The following CAST variants were observed in gnomAD, a reference collection of about 807,000 sequenced individuals.
CAST encodes MIR583 host.
In CAST, 76 loss-of-function variants were observed where a neutral mutation model predicts 119.6. The observed-to-expected ratio is 0.64, with a 90% CI of 0.53 to 0.77. CAST has a LOEUF of 0.77. CAST is among the 30% of genes least tolerant of loss of function. The pLI, the probability that CAST is intolerant of heterozygous loss-of-function variation, is 0.00. For synonymous variants in CAST, 319 were observed against 331.6 expected (o/e 0.96, Z 0.41); for missense variants, 953 against 946.5 (o/e 1.01, Z -0.09).
In CAST at chr5:96,774,412, G is replaced by C. The variant is rs1229288247; in HGVS notation, c.*1796G>C. On this transcript the variant is annotated 3_prime_UTR_variant, in exon 32 of 32. Coordinates refer to ENST00000675179, the MANE Select transcript of CAST (RefSeq NM_001750.7). ...TGTTTGTTAATAACTAATAACTGGA[G>C]TAAGCTACAGGATCTAAAGCAGCCC... is the stretch of plus-strand genomic sequence containing the variant. 3.2e-6 allele frequency: 2 copies of C among 629,986 alleles called. No homozygotes were observed. Among genetic ancestry groups the C allele is most frequent in the Non-Finnish European group, 4.0e-6 (2 of 503,428 alleles). The allele number at this position is 629,986 out of a possible 1,614,324, so 39.0% of individuals were successfully genotyped here.
the CAST span, among the ~76,000 whole-genome samples, chr5:96,455,651 G>A: frequency 1.2e-4 from 19 of 152,104 alleles, no homozygotes; most frequent in Non-Finnish European, 2.4e-4. Flanking sequence ...CTCTGTCCAC[G>A]CAGGACCTCA....
the CAST span, among the ~76,000 whole-genome samples, chr5:96,136,496 A>G: frequency 6.6e-6 from 1 of 152,202 alleles, no homozygotes; most frequent in Non-Finnish European, 1.5e-5. Context: ...TGGATACTGT[A>G]TTAGAAAACA....
At position 96,763,268 on chromosome 5, in the gene CAST, T is replaced by A. The variant is rs766848298; in HGVS notation, c.1932+896T>A. 90 of 780,560 alleles carry A rather than the reference T, an allele frequency of 1.2e-4. 4 individuals are homozygous for A. The South Asian group carries it at 1.2e-3, about 10-fold the overall frequency. The allele number at this position is 780,560 out of a possible 1,614,324, so 48.4% of individuals were successfully genotyped here. On this transcript the variant is annotated intron_variant, in intron 25 of 31. Transcript: ENST00000675179. ...AGGCACAAATGACAAAGCCCAGACC[T>A]GGCCCCGGGCAGCTCTACCATTAGC...
At chr5:96,143,628 C>T in the CAST span, among the ~76,000 whole-genome samples, 1 of 152,168 alleles carries the variant, frequency 6.6e-6, no homozygotes, top group Non-Finnish European at 1.5e-5. Flanking sequence ...TAACCATTAA[C>T]AATGGTGCTT....
the CAST span, among the ~76,000 whole-genome samples, chr5:96,495,244 CTGTTTTT>C: frequency 2.0e-5 from 3 of 151,548 alleles, no homozygotes; most frequent in Non-Finnish European, 4.4e-5. Flanking sequence ...TGTAGATCAA[CTGTTTTT>C]TGTTTTTTGT....
the CAST span, chr5:96,392,044 C>A: frequency 6.6e-6 from 1 of 152,062 alleles, no homozygotes; most frequent in East Asian, 1.9e-4. Context: ...AAAACAAAAA[C>A]AAAACTTCTC....
At chr5:96,252,054 C>A in the CAST span, among the ~76,000 whole-genome samples, 5 of 152,064 alleles carry the variant, frequency 3.3e-5, no homozygotes, top group Non-Finnish European at 7.4e-5. Context: ...TAGATGAGTG[C>A]AAATTGTGTC....
chr5:96,741,041 TAGAATG>T (rs1253711552), intron 13 of CAST: 6 of 595,196 alleles, frequency 1.0e-5, no homozygotes, highest in Non-Finnish European at 1.8e-5. Context: ...TTCATAATAA[TAGAATG>T]AGAATGTAAC....
the CAST span, among the ~76,000 whole-genome samples, chr5:96,279,729 TA>T: frequency 6.6e-6 from 1 of 152,208 alleles, no homozygotes; most frequent in Non-Finnish European, 1.5e-5. Flanking sequence ...TGAGTAATAA[TA>T]AAATATGCTT....
the CAST span, among the ~76,000 whole-genome samples, chr5:96,259,884 CTT>C: frequency 2.8e-5 from 4 of 141,458 alleles, no homozygotes; most frequent in African/African-American, 5.2e-5. Flanking sequence ...GATTACATTG[CTT>C]TTTTTTTTTT....
chr5:96,428,270 C>A, the CAST span, among the ~76,000 whole-genome samples: 1 of 152,096 alleles, frequency 6.6e-6, no homozygotes, highest in Non-Finnish European at 1.5e-5. Context: ...TATTTTCCCC[C>A]TGGGAAGTTG....
intron 3 of CAST, among the ~76,000 whole-genome samples, chr5:96,713,858 C>T (rs1264637027): frequency 6.6e-6 from 1 of 152,024 alleles, no homozygotes; most frequent in Non-Finnish European, 1.5e-5. Context: ...ACCTGTAGTC[C>T]CAGCTACTTG....
the CAST span, among the ~76,000 whole-genome samples, chr5:95,985,311 C>T: frequency 6.6e-6 from 1 of 152,170 alleles, no homozygotes; most frequent in African/African-American, 2.4e-5. Context: ...AAGACCTTGT[C>T]TCTAAAAGAA....
At chr5:96,394,952 T>C in the CAST span, 4 of 1,614,066 alleles carry the variant, frequency 2.5e-6, no homozygotes, top group East Asian at 6.7e-5. Flanking sequence ...CTTCATATGC[T>C]CTGGCTGAGA....
the CAST span, among the ~76,000 whole-genome samples, chr5:96,070,236 C>T: frequency 2.0e-5 from 3 of 152,102 alleles, no homozygotes; most frequent in Non-Finnish European, 4.4e-5. Context: ...TTCCAAAGCC[C>T]TTTGTTTATA....
At chr5:96,061,896 A>C in the CAST span, among the ~76,000 whole-genome samples, 1 of 152,122 alleles carries the variant, frequency 6.6e-6, no homozygotes, top group Non-Finnish European at 1.5e-5. Context: ...AGGCACCATG[A>C]ATGTCTAACC....
intron 3 of CAST, among the ~76,000 whole-genome samples, chr5:96,709,752 C>G (rs1755719047): frequency 6.6e-6 from 1 of 152,136 alleles, no homozygotes; most frequent in South Asian, 2.1e-4. Flanking sequence ...GACTCCTGTT[C>G]TACAGAAATA....
chr5:96,647,875 C>T (rs558133080), intron 1 of CAST, among the ~76,000 whole-genome samples: 18 of 152,196 alleles, frequency 1.2e-4, no homozygotes, highest in African/African-American at 4.3e-4. Flanking sequence ...TAGTTTGAAG[C>T]TGTTTGTTAT....
chr5:96,126,833 A>G, the CAST span, among the ~76,000 whole-genome samples: 1 of 152,168 alleles, frequency 6.6e-6, no homozygotes, highest in African/African-American at 2.4e-5. Context: ...TAAGGTATAA[A>G]AAGGTTAAGA....
Sources: allele counts gnomAD v4.1 joint callset (sites outside exome capture counted in the v4.1 genomes callset), GRCh38; gene constraint gnomAD v4.1.1; transcripts MANE v1.5; gene names NCBI Gene and HGNC (gene_info 2026-07-23, HGNC 2026-07-21).